The following OTOGL variants were observed in gnomAD, a reference collection of about 807,000 sequenced individuals.
OTOGL encodes the protein otogelin-like protein.
A neutral mutation model predicts 318.5 loss-of-function variants in OTOGL; 285 were observed. That is an observed-to-expected ratio of 0.89 (90% CI 0.81 to 0.99). The LOEUF is 0.99. Ranked by LOEUF, OTOGL falls within the 50% of genes least tolerant of loss-of-function variation. The pLI is 0.00. For missense variants in OTOGL, 2,899 were observed against 2,845.6 expected (o/e 1.02, Z -0.43); for synonymous variants, 987 against 936.5 (o/e 1.05, Z -0.99).
At chr12:80,313,709 A>T in intron 31 of OTOGL, 77 bp downstream of exon 31, 1 of 1,270,490 alleles carries the variant, frequency 7.9e-7, no homozygotes, top group East Asian at 2.6e-5. Flanking sequence ...TTAGCTTAGA[A>T]ATAATGCCAG....
chr12:80,323,643 T>C (rs1441605521), intron 34 of OTOGL, 80 bp from the exon 35 acceptor site: 9 of 1,099,558 alleles, frequency 8.2e-6, no homozygotes, highest in Non-Finnish European at 9.5e-6. Context: ...AGCGAGACTG[T>C]CTCAAGAAAG....
intron 6 of OTOGL, among the ~76,000 whole-genome samples, chr12:80,220,305 A>G (rs1400982826): frequency 1.3e-5 from 2 of 152,004 alleles, no homozygotes; most frequent in Non-Finnish European, 2.9e-5. Flanking sequence ...GACTACAGGT[A>G]CCCACCATCA....
chr12:80,214,457 T>C (rs758732178), intron 4 of OTOGL, among the ~76,000 whole-genome samples: 1 of 152,170 alleles, frequency 6.6e-6, no homozygotes, highest in Non-Finnish European at 1.5e-5. Flanking sequence ...CTTTTCTGCT[T>C]GGACTCTGCC....
At chr12:80,129,909 C>A (rs1020604320) in intron 1 of OTOGL, among the ~76,000 whole-genome samples, 1 of 152,180 alleles carries the variant, frequency 6.6e-6, no homozygotes, top group South Asian at 2.1e-4. Context: ...CTGATTCTTA[C>A]AACCAGCAGC....
At chr12:80,346,374 A>C (rs1281547612) in intron 44 of OTOGL, among the ~76,000 whole-genome samples, 27 of 152,092 alleles carry the variant, frequency 1.8e-4, no homozygotes, top group Admixed American at 1.8e-3. Flanking sequence ...TTGCAAGAAA[A>C]AAAAGAAAGT....
chr12:80,327,118 G>A (rs1887723121), intron 35 of OTOGL, among the ~76,000 whole-genome samples: 1 of 152,154 alleles, frequency 6.6e-6, no homozygotes, highest in African/African-American at 2.4e-5. Flanking sequence ...AGAGTTGGTT[G>A]CACCTGAAGG....
At chr12:80,326,845 A>T (rs1296843597) in intron 35 of OTOGL, among the ~76,000 whole-genome samples, 1 of 152,216 alleles carries the variant, frequency 6.6e-6, no homozygotes, top group African/African-American at 2.4e-5. Flanking sequence ...GTCTTTAAAA[A>T]GTGTTGCCTG....
chr12:80,191,022 T>C (rs1875657737), intron 1 of OTOGL, among the ~76,000 whole-genome samples: 1 of 152,176 alleles, frequency 6.6e-6, no homozygotes, highest in African/African-American at 2.4e-5. Flanking sequence ...AGGAGTGGGA[T>C]GGGAACAGAC....
In OTOGL at chr12:80,257,973, T is replaced by C. The variant is rs1481093262; in HGVS notation, c.1860T>C (p.Thr620=). 6.3e-7 allele frequency: 1 copy of C among 1,591,724 alleles called. No individual in the cohort carries two copies. The highest frequency in any genetic ancestry group is 1.7e-5 in the Admixed American group (1 of 57,936). Residue 620 remains threonine, a synonymous_variant, in exon 18 of 59, where the codon ACT becomes ACC. Coordinates refer to ENST00000547103, the MANE Select transcript of OTOGL (RefSeq NM_001378609.3). ...GAAGAACATTAGGTCTGTGTGGCAC[T>C]TTTAATGGCAACATAAGGGATGATT... The part of the protein sequence containing the change: ...WKRRTLGLCG[T]FNGNIRDDFL...
At chr12:80,373,771 A>G (rs1055222944) in intron 57 of OTOGL, among the ~76,000 whole-genome samples, 26 of 151,920 alleles carry the variant, frequency 1.7e-4, no homozygotes, top group Non-Finnish European at 7.4e-5. Flanking sequence ...GCGTTAAATA[A>G]TTTGTCCAAG....
chr12:80,103,360 A>G, intron 1 of OTOGL: 2 of 1,155,612 alleles, frequency 1.7e-6, no homozygotes, highest in East Asian at 2.3e-5. Flanking sequence ...TCGGTGATCG[A>G]TCTTCTTTTC....
In OTOGL at chr12:80,138,427, ACTAT is replaced by A. The variant is rs1871717087; in HGVS notation, c.-20+38824_-20+38827del. ...CTTGGCAAATGGTAAGTACAACGTA[ACTAT>A]CAGTGTTATCACTCTTCTTCCTCTG... is the stretch of plus-strand genomic sequence containing the variant. On this transcript the variant is annotated intron_variant, in intron 1 of 58. Coordinates refer to ENST00000547103, the MANE Select transcript of OTOGL (RefSeq NM_001378609.3). 2.0e-5 allele frequency among the ~76,000 whole-genome samples: 3 copies of A among 152,174 alleles called. No individual in the cohort carries two copies. The South Asian group carries it at 6.2e-4, about 32-fold the overall frequency.
At position 80,231,060 on chromosome 12, in the gene OTOGL, CCAAATGACCAAGTGT is replaced by C. The variant is rs573498915; in HGVS notation, c.611+1695_611+1709del. The stretch of plus-strand genomic sequence containing the variant: ...TTAATTAAATTTACTGTTAAAGAGA[CCAAATGACCAAGTGT>C]CAAATGACCAAGCAAAAAATACGCA... On this transcript the variant is annotated intron_variant, in intron 8 of 58. Coordinates refer to ENST00000547103, the MANE Select transcript of OTOGL (RefSeq NM_001378609.3). Among the ~76,000 whole-genome samples, 664 of 152,186 alleles carry C rather than the reference CCAAATGACCAAGTGT, an allele frequency of 4.4e-3. 5 individuals carry two copies. The highest frequency in any genetic ancestry group is 0.015 in the African/African-American group (638 of 41,526).
chr12:80,312,158 A>G (rs947440613), intron 30 of OTOGL, among the ~76,000 whole-genome samples: 3 of 152,216 alleles, frequency 2.0e-5, no homozygotes, highest in Non-Finnish European at 4.4e-5. Flanking sequence ...GAATATCACA[A>G]TTACCTGAAA....
At chr12:80,130,478 C>G (rs1056692964) in intron 1 of OTOGL, among the ~76,000 whole-genome samples, 1 of 152,136 alleles carries the variant, frequency 6.6e-6, no homozygotes, top group East Asian at 1.9e-4. Context: ...ATAAGAGGCT[C>G]TAAACCAGAA....
intron 37 of OTOGL, among the ~76,000 whole-genome samples, chr12:80,330,487 A>C (rs142851645): frequency 6.6e-6 from 1 of 152,204 alleles, no homozygotes; most frequent in African/African-American, 2.4e-5. Flanking sequence ...GAATAAGTCT[A>C]TGAAATAAGA....
At chr12:80,268,850 C>T (rs1326675513) in intron 22 of OTOGL, among the ~76,000 whole-genome samples, 1 of 149,610 alleles carries the variant, frequency 6.7e-6, no homozygotes, top group Non-Finnish European at 1.5e-5. Context: ...TTCATTCTGC[C>T]GAGGTGTCCT....
At chr12:80,250,300 T>C (rs985298484) in intron 11 of OTOGL, among the ~76,000 whole-genome samples, 3 of 152,208 alleles carry the variant, frequency 2.0e-5, no homozygotes, top group Non-Finnish European at 2.9e-5. Flanking sequence ...TTCTTGATAA[T>C]AATTTCTTTC....
intron 44 of OTOGL, among the ~76,000 whole-genome samples, chr12:80,344,967 A>G (rs1290428034): frequency 6.9e-6 from 1 of 145,858 alleles, no homozygotes; most frequent in East Asian, 2.0e-4. Context: ...ATCAATTTAA[A>G]GAAGGCATTG....
Sources: allele counts gnomAD v4.1 joint callset (sites outside exome capture counted in the v4.1 genomes callset), GRCh38; gene constraint gnomAD v4.1.1; transcripts MANE v1.5; gene names NCBI Gene and HGNC (gene_info 2026-07-23, HGNC 2026-07-21).